The following SNTG2 variants were observed in gnomAD, a reference collection of about 807,000 sequenced individuals.
SNTG2 encodes syntrophin gamma 2.
Under a neutral mutation model 70.9 loss-of-function variants are expected in SNTG2, and 74 were observed. The ratio of observed to expected loss-of-function variants is 1.04; its 90% CI spans 0.86 to 1.27. SNTG2 has a LOEUF of 1.27. Among genes scored for constraint, SNTG2 ranks in the 50% most tolerant of loss-of-function variants. The pLI, the probability that SNTG2 is intolerant of heterozygous loss-of-function variation, is 0.00. For missense variants in SNTG2, 717 were observed against 690.7 expected, an observed-to-expected ratio of 1.04 and a Z score of -0.43; for synonymous variants, 278 against 273.8, an observed-to-expected ratio of 1.02 and a Z score of -0.15.
chr2:1,220,707 C>T (rs1025054258), intron 9 of SNTG2, among the ~76,000 whole-genome samples: 8 of 152,238 alleles, frequency 5.3e-5, no homozygotes, highest in South Asian at 2.1e-4. Context: ...TCTCTACAAA[C>T]GCCCAGTTCT....
intron 6 of SNTG2, among the ~76,000 whole-genome samples, chr2:1,162,932 A>G (rs1208257221): frequency 1.3e-5 from 2 of 152,198 alleles, no homozygotes; most frequent in Non-Finnish European, 2.9e-5. Flanking sequence ...GCGTCTCACA[A>G]GGGTGCACTT....
chr2:976,811 G>A (rs1558289215), intron 1 of SNTG2, among the ~76,000 whole-genome samples: 1 of 151,802 alleles, frequency 6.6e-6, no homozygotes, highest in East Asian at 1.9e-4. Context: ...ACCCCCATCC[G>A]TCTCCCTCCC....
At chr2:1,206,192 C>T (rs982261608) in intron 8 of SNTG2, among the ~76,000 whole-genome samples, 2 of 152,188 alleles carry the variant, frequency 1.3e-5, no homozygotes, top group South Asian at 2.1e-4. Flanking sequence ...AATCACGAGG[C>T]TCTGCTTTCT....
chr2:1,257,662 CAT>C (rs1457097599), intron 12 of SNTG2, among the ~76,000 whole-genome samples: 1 of 152,212 alleles, frequency 6.6e-6, no homozygotes, highest in Non-Finnish European at 1.5e-5. Flanking sequence ...TTCAATGTGA[CAT>C]AATCTAATAC....
chr2:1,360,319 C>T (rs936913349), intron 16 of SNTG2, among the ~76,000 whole-genome samples: 3 of 152,120 alleles, frequency 2.0e-5, no homozygotes, highest in African/African-American at 4.8e-5. Context: ...CAGAAAGCTC[C>T]AGCCACCGCA....
chr2:959,826 A>G (rs2147944326), intron 1 of SNTG2, among the ~76,000 whole-genome samples: 1 of 151,728 alleles, frequency 6.6e-6, no homozygotes, highest in Non-Finnish European at 1.5e-5. Context: ...TGATGTTTGT[A>G]TGAATAGTGG....
intron 1 of SNTG2, among the ~76,000 whole-genome samples, chr2:1,052,639 A>G (rs1572308520): frequency 6.6e-6 from 1 of 152,174 alleles, no homozygotes; most frequent in East Asian, 1.9e-4. Flanking sequence ...AGAGGTCTCT[A>G]AAGTGTTTTG....
chr2:1,315,700 G>A (rs938056311), intron 15 of SNTG2, among the ~76,000 whole-genome samples: 9 of 152,028 alleles, frequency 5.9e-5, no homozygotes, highest in East Asian at 1.9e-4. Context: ...ATTAAAAGGC[G>A]ATATTTTTAA....
intron 1 of SNTG2, among the ~76,000 whole-genome samples, chr2:1,014,645 GTA>G: frequency 7.2e-6 from 1 of 139,580 alleles, no homozygotes. Flanking sequence ...AGGGTGGTCT[GTA>G]GAGGGATTTA....
rs200179345 is a variant in SNTG2, at chr2:1,177,494, TA to T, written c.591+4323del. On this transcript the variant is annotated intron_variant, in intron 8 of 16. Transcript: ENST00000308624. ...TACTCTGGAACTTAAAAATAAAAATTAAAAAAAAAAAACTTTAAAAGGAACC... is the reference window on the plus strand; with the variant it reads ...TACTCTGGAACTTAAAAATAAAAATTAAAAAAAAAAACTTTAAAAGGAACC... 6.4e-4 allele frequency among the ~76,000 whole-genome samples: 91 copies of T among 143,112 alleles called. No individual in the cohort carries two copies. In the East Asian group the frequency reaches 0.011, roughly 18 times the overall value. The allele number at this position is 143,112 out of a possible 152,430, so 93.9% of individuals were successfully genotyped here. A position where few individuals can be genotyped will look rare whatever the true frequency, so the allele number is the denominator to read the frequency against.
chr2:1,163,004 G>A (rs550541355), intron 6 of SNTG2, among the ~76,000 whole-genome samples: 1 of 152,344 alleles, frequency 6.6e-6, no homozygotes, highest in South Asian at 2.1e-4. Context: ...GCCTGACTCA[G>A]CCCTATGGGG....
At chr2:1,119,599 A>G (rs1667255723) in intron 4 of SNTG2, among the ~76,000 whole-genome samples, 1 of 151,008 alleles carries the variant, frequency 6.6e-6, no homozygotes, top group Non-Finnish European at 1.5e-5. Context: ...TGCAGCTTAA[A>G]ATAGTAGACT....
intron 16 of SNTG2, among the ~76,000 whole-genome samples, chr2:1,331,364 G>A (rs188339852): frequency 8.9e-4 from 136 of 152,348 alleles, no homozygotes; most frequent in Non-Finnish European, 1.3e-3. Context: ...TGAAACCACT[G>A]GTGCTAGACT....
chr2:1,221,523 C>G lies in SNTG2; in HGVS notation c.719+12293C>G, dbSNP rs555512279. Reference sequence around the variant, plus strand: ...TGTCTCTCTCTCTCTCTCTGTCTCTCTCTATCTCTGTCTCTATCTCTGTCT... The same window carrying G: ...TGTCTCTCTCTCTCTCTCTGTCTCTGTCTATCTCTGTCTCTATCTCTGTCT... On this transcript the variant is annotated intron_variant, in intron 9 of 16. Coordinates refer to ENST00000308624, the MANE Select transcript of SNTG2 (RefSeq NM_018968.4). 4.7e-3 allele frequency among the ~76,000 whole-genome samples: 25 copies of G among 5,282 alleles called. 1 individual carries two copies. The highest frequency in any genetic ancestry group is 7.8e-3 in the Non-Finnish European group (20 of 2,556). 3.5% of individuals were successfully genotyped at this position (5,282 alleles called of 152,430 possible). A position where few individuals can be genotyped will look rare whatever the true frequency, so the allele number is the denominator to read the frequency against.
At chr2:1,316,598 A>ACCCTTATCTGAAATGCTTGAGACCAGAAG (rs1553278176) in intron 16 of SNTG2, among the ~76,000 whole-genome samples, 1 of 152,144 alleles carries the variant, frequency 6.6e-6, no homozygotes. Context: ...AGTGTTTGGG[A>ACCCTTATCTGAAATGCTTGAGACCAGAAG]TTTCAGATTT....
chr2:1,319,435 C>T (rs1012544121), intron 16 of SNTG2, among the ~76,000 whole-genome samples: 7 of 152,184 alleles, frequency 4.6e-5, no homozygotes, highest in African/African-American at 1.2e-4. Flanking sequence ...TATGTCCCAA[C>T]AAACCCAAAC....
chr2:1,126,830 G>C (rs1667724538), intron 4 of SNTG2, among the ~76,000 whole-genome samples: 1 of 152,038 alleles, frequency 6.6e-6, no homozygotes, highest in Admixed American at 6.5e-5. Context: ...GTTTTTTGCT[G>C]TCGAGAGATT....
intron 1 of SNTG2, among the ~76,000 whole-genome samples, chr2:1,023,074 T>A (rs1167456524): frequency 1.3e-5 from 2 of 152,122 alleles, no homozygotes; most frequent in Non-Finnish European, 1.5e-5. Flanking sequence ...GAGGATTTTT[T>A]AATGTGGTTC....
chr2:1,127,024 A>G (rs77147223), intron 4 of SNTG2, among the ~76,000 whole-genome samples: 18,197 of 149,684 alleles, frequency 0.12, 1,130 homozygotes, highest in Admixed American at 0.15. Context: ...GTTTTATACA[A>G]TTTTTTCTCA....
Sources: allele counts gnomAD v4.1 joint callset (sites outside exome capture counted in the v4.1 genomes callset), GRCh38; gene constraint gnomAD v4.1.1; transcripts MANE v1.5; gene names NCBI Gene and HGNC (gene_info 2026-07-23, HGNC 2026-07-21).